CHRM5: variants seen among roughly 807,000 people sequenced by gnomAD.
CHRM5 encodes cholinergic receptor muscarinic 5, also known as muscarinic acetylcholine receptor M5.
In CHRM5, 18 loss-of-function variants were observed where a neutral mutation model predicts 39.0. The ratio of observed to expected loss-of-function variants is 0.46; its 90% CI spans 0.32 to 0.68. CHRM5 has a LOEUF of 0.68. CHRM5 is among the 30% of genes least tolerant of loss of function. The pLI is 0.04. For missense variants in CHRM5, 515 were observed against 651.1 expected (o/e 0.79, Z 2.28); for synonymous variants, 241 against 246.3 (o/e 0.98, Z 0.20).
intron 1 of CHRM5, among the ~76,000 whole-genome samples, chr15:33,983,382 C>A (rs1277137731): frequency 6.6e-6 from 1 of 151,838 alleles, no homozygotes; most frequent in Non-Finnish European, 1.5e-5. Context: ...TAACCCCATT[C>A]AGTTAACATA....
intron 1 of CHRM5, among the ~76,000 whole-genome samples, chr15:34,008,534 G>A (rs1432434874): frequency 4.1e-5 from 6 of 144,692 alleles, no homozygotes; most frequent in African/African-American, 1.6e-4. Context: ...TGTCACCCAG[G>A]CTGGAGTGCA....
chr15:33,983,676 C>T (rs1896292370), intron 1 of CHRM5, among the ~76,000 whole-genome samples: 1 of 152,094 alleles, frequency 6.6e-6, no homozygotes. Context: ...AGCTTACTCG[C>T]ATCGTCTTGA....
chr15:34,003,305 A>G, intron 1 of CHRM5: 1 of 1,005,336 alleles, frequency 9.9e-7, no homozygotes, highest in Non-Finnish European at 1.5e-6. Flanking sequence ...ACATAACAAT[A>G]AAAAGCAATA....
At position 34,024,294 on chromosome 15, in the gene CHRM5, ATAAATGG is replaced by A. The variant is rs1430564612; in HGVS notation, c.-407-22243_-407-22237del. Among the ~76,000 whole-genome samples the A allele has an allele frequency of 2.0e-5, 3 of 152,142 alleles. No individual in the cohort carries two copies. The East Asian group carries it at 5.8e-4, about 29-fold the overall frequency. ...TAAGACACCATCACTTCAGGTAGTGATAAATGGTATCAAAATAAAGTAGGTATGAGAT... is the reference window on the plus strand; with the variant it reads ...TAAGACACCATCACTTCAGGTAGTGATATCAAAATAAAGTAGGTATGAGAT... On this transcript the variant is annotated intron_variant, in intron 1 of 2. Coordinates refer to ENST00000383263, the MANE Select transcript of CHRM5 (RefSeq NM_012125.4).
At chr15:34,025,665 T>C (rs766751422) in intron 1 of CHRM5, among the ~76,000 whole-genome samples, 1 of 152,084 alleles carries the variant, frequency 6.6e-6, no homozygotes, top group African/African-American at 2.4e-5. Flanking sequence ...CACATTGAAG[T>C]GTTTAGGGGT....
intron 2 of CHRM5, among the ~76,000 whole-genome samples, chr15:34,059,797 C>T (rs752219554): frequency 1.8e-4 from 27 of 152,222 alleles, no homozygotes; most frequent in Non-Finnish European, 2.9e-4. Flanking sequence ...CCCATGTCCA[C>T]TCAACGAGGC....
intron 1 of CHRM5, among the ~76,000 whole-genome samples, chr15:34,014,382 AAACAAAAAC>A (rs756082415): frequency 0.036 from 897 of 24,898 alleles, 122 homozygotes; most frequent in African/African-American, 0.048. Context: ...AAAAAAAAAA[AAACAAAAAC>A]AAAAACCACG....
chr15:34,010,522 G>C lies in CHRM5; in HGVS notation c.-407-36018G>C, dbSNP rs138624738. Among the ~76,000 whole-genome samples the C allele has an allele frequency of 8.9e-4, 136 of 152,154 alleles. 1 individual carries two copies. The highest frequency in any genetic ancestry group is 1.8e-3 in the Non-Finnish European group (119 of 67,992). On this transcript the variant is annotated intron_variant, in intron 1 of 2. Transcript: ENST00000383263. ...AGGTCCCTGGTTCTACTTTCTTCTG[G>C]AGCAAAAAGGTATAGAAAAGGCTTT...
chr15:34,007,053 A>G (rs1316470327), intron 1 of CHRM5: 44 of 984,310 alleles, frequency 4.5e-5, no homozygotes, highest in Non-Finnish European at 5.2e-5. Context: ...ATACCTGGAC[A>G]TCGGTCACTG....
intron 1 of CHRM5, among the ~76,000 whole-genome samples, chr15:33,996,998 T>C (rs1896963158): frequency 6.6e-6 from 1 of 152,190 alleles, no homozygotes; most frequent in Non-Finnish European, 1.5e-5. Context: ...ATAAACAGCG[T>C]AGAGAAGACC....
chr15:34,033,335 G>A (rs1333739128), intron 1 of CHRM5, among the ~76,000 whole-genome samples: 2 of 151,952 alleles, frequency 1.3e-5, no homozygotes, highest in South Asian at 2.1e-4. Context: ...GTGAAATCCC[G>A]TCTCTACTAA....
At chr15:34,023,861 C>A (rs2702282) in intron 1 of CHRM5, among the ~76,000 whole-genome samples, 72,274 of 152,060 alleles carry the variant, frequency 0.48, 20,501 homozygotes, top group Non-Finnish European at 0.64. Context: ...ACAGATGCCA[C>A]GTTTTTGGCC....
At chr15:34,016,236 A>G (rs1400061878) in intron 1 of CHRM5, among the ~76,000 whole-genome samples, 1 of 152,220 alleles carries the variant, frequency 6.6e-6, no homozygotes, top group Non-Finnish European at 1.5e-5. Flanking sequence ...CTCCATCTCA[A>G]AAAACAAAAA....
rs1900525764 is a variant in CHRM5 at position 34,066,903 on chromosome 15, CT to C, written c.*2589del. On this transcript the variant is annotated 3_prime_UTR_variant, in exon 3 of 3. Transcript: ENST00000383263. Reference sequence around the variant, plus strand: ...CCAGTTTTGCAGACTACCTATGCCTCTTGACATAGACAAAAAATATCCCAAA... The same window carrying C: ...CCAGTTTTGCAGACTACCTATGCCTCTGACATAGACAAAAAATATCCCAAA... 6.6e-6 allele frequency: 1 copy of C among 152,040 alleles called. No individual in the cohort carries two copies. The highest frequency in any genetic ancestry group is 6.5e-5 in the Admixed American group (1 of 15,270). The allele number at this position is 152,040 out of a possible 1,614,324, so 9.4% of individuals were successfully genotyped here. A position where few individuals can be genotyped will look rare whatever the true frequency, so the allele number is the denominator to read the frequency against.
intron 1 of CHRM5, among the ~76,000 whole-genome samples, chr15:34,019,690 C>T (rs1409738598): frequency 6.6e-6 from 1 of 152,204 alleles, no homozygotes; most frequent in Non-Finnish European, 1.5e-5. Context: ...TGTGATATAA[C>T]TGTCTACAGT....
intron 2 of CHRM5, among the ~76,000 whole-genome samples, chr15:34,055,198 A>G (rs1380634339): frequency 6.6e-6 from 1 of 151,542 alleles, no homozygotes; most frequent in Non-Finnish European, 1.5e-5. Flanking sequence ...GTCTCAAAAA[A>G]AAAAAAGTAA....
At position 33,990,296 on chromosome 15, in the gene CHRM5, C is replaced by T. The variant is rs543859310; in HGVS notation, c.-408+21146C>T. On this transcript the variant is annotated intron_variant, in intron 1 of 2. Coordinates refer to ENST00000383263, the MANE Select transcript of CHRM5 (RefSeq NM_012125.4). ...ACTCAGGAGGCTAAGGCAGGAGAAT[C>T]GCTAGAACCTGGGAGGCAGAGGCTG... is the stretch of plus-strand genomic sequence containing the variant. 1.1e-3 allele frequency among the ~76,000 whole-genome samples: 162 copies of T among 152,082 alleles called. 2 individuals are homozygous for T. Among genetic ancestry groups the T allele is most frequent in the African/African-American group, 3.8e-3 (157 of 41,494 alleles).
chr15:34,013,659 G>A (rs1048777867), intron 1 of CHRM5, among the ~76,000 whole-genome samples: 4 of 152,308 alleles, frequency 2.6e-5, no homozygotes, highest in African/African-American at 9.6e-5. Flanking sequence ...ACACGGAGAA[G>A]TAAACATATA....
chr15:34,056,282 G>A (rs1161061148), intron 2 of CHRM5, among the ~76,000 whole-genome samples: 1 of 152,212 alleles, frequency 6.6e-6, no homozygotes, highest in Non-Finnish European at 1.5e-5. Context: ...GGGGCCCAGA[G>A]AGAATACATG....
Sources: gnomAD v4.1 joint callset for allele counts (sites outside exome capture counted in the v4.1 genomes callset) on GRCh38, gnomAD v4.1.1 for gene constraint, MANE v1.5 for transcripts, NCBI Gene and HGNC (gene_info 2026-07-23, HGNC 2026-07-21) for gene names.